PLEKHG7: variants seen among roughly 807,000 people sequenced by gnomAD.
PLEKHG7 encodes the protein pleckstrin homology and RhoGEF domain containing G7, also known as pleckstrin homology domain-containing family G member 7.
In PLEKHG7, 77 loss-of-function variants were observed where a neutral mutation model predicts 85.2. The observed-to-expected ratio is 0.90, with a 90% CI of 0.75 to 1.09. PLEKHG7 has a LOEUF of 1.09. PLEKHG7 is among the 50% of genes least tolerant of loss of function. The pLI is 0.00. For missense variants in PLEKHG7, 777 were observed against 804.3 expected, an observed-to-expected ratio of 0.97 and a Z score of 0.41; for synonymous variants, 301 against 302.4, an observed-to-expected ratio of 1.00 and a Z score of 0.05.
At position 92,770,252 on chromosome 12, in the gene PLEKHG7, A is replaced by G; in HGVS notation, c.*57A>G. 2.3e-6 allele frequency: 3 copies of G among 1,305,580 alleles called. No homozygotes were observed. Among genetic ancestry groups the G allele is most frequent in the Non-Finnish European group, 3.2e-6 (3 of 930,544 alleles). The allele number at this position is 1,305,580 out of a possible 1,614,324, so 80.9% of individuals were successfully genotyped here. A position where few individuals can be genotyped will look rare whatever the true frequency, so the allele number is the denominator to read the frequency against. The stretch of plus-strand genomic sequence containing the variant: ...AGATTATGGTTTAAGGTATAATTTC[A>G]TTCAAAGTTTTGTAACACTTAGCTA... On this transcript the variant is annotated 3_prime_UTR_variant, in exon 17 of 17. Coordinates refer to ENST00000344636, the MANE Select transcript of PLEKHG7 (RefSeq NM_001377329.1).
At chr12:92,732,917 A>G (rs1282371560) in intron 5 of PLEKHG7, among the ~76,000 whole-genome samples, 3 of 152,086 alleles carry the variant, frequency 2.0e-5, no homozygotes, top group Non-Finnish European at 4.4e-5. Flanking sequence ...GAGAAAAGGG[A>G]CTGATTTGTG....
At chr12:92,755,032 T>C (rs1463752828) in intron 11 of PLEKHG7, among the ~76,000 whole-genome samples, 2 of 152,198 alleles carry the variant, frequency 1.3e-5, no homozygotes, top group Non-Finnish European at 2.9e-5. Flanking sequence ...TCTGAAGAGC[T>C]GGAATTAAGT....
intron 13 of PLEKHG7, among the ~76,000 whole-genome samples, chr12:92,760,245 C>T (rs1592688194): frequency 6.6e-6 from 1 of 152,128 alleles, no homozygotes; most frequent in Non-Finnish European, 1.5e-5. Flanking sequence ...TCTACTGCTA[C>T]AAGAGAAGGG....
intron 10 of PLEKHG7, among the ~76,000 whole-genome samples, chr12:92,749,902 ATTTCATT>A (rs1306329547): frequency 8.3e-6 from 1 of 120,884 alleles, no homozygotes; most frequent in Non-Finnish European, 1.8e-5. Flanking sequence ...ATTTTATTTT[ATTTCATT>A]TATTTTATTT....
At chr12:92,716,784 C>G (rs1014846322) in intron 3 of PLEKHG7, among the ~76,000 whole-genome samples, 1 of 152,120 alleles carries the variant, frequency 6.6e-6, no homozygotes, top group African/African-American at 2.4e-5. Flanking sequence ...TTCATCTGCC[C>G]CCAAGAATCA....
intron 12 of PLEKHG7, 35 bp downstream of exon 12, chr12:92,755,975 T>C: frequency 7.0e-6 from 10 of 1,434,912 alleles, no homozygotes; most frequent in Non-Finnish European, 9.7e-6. Flanking sequence ...CTTATGTCCA[T>C]TTCTGGAATT....
At chr12:92,740,714 C>T in intron 7 of PLEKHG7, 139 bp from the exon 8 acceptor site, 1 of 616,238 alleles carries the variant, frequency 1.6e-6, no homozygotes, top group East Asian at 2.8e-5. Flanking sequence ...TTGAGTATAA[C>T]ATTTAAACCT....
chr12:92,768,069 G>A (rs140183221), intron 15 of PLEKHG7, among the ~76,000 whole-genome samples: 4,389 of 152,078 alleles, frequency 0.029, 205 homozygotes, highest in African/African-American at 0.1. Context: ...TTAGCCAGGC[G>A]TGGTGGCGGG....
chr12:92,732,526 T>C (rs1165731507), intron 5 of PLEKHG7, among the ~76,000 whole-genome samples: 1 of 152,176 alleles, frequency 6.6e-6, no homozygotes, highest in African/African-American at 2.4e-5. Context: ...AATCCTAATA[T>C]AGTGATGCTT....
intron 1 of PLEKHG7, among the ~76,000 whole-genome samples, chr12:92,705,878 A>G (rs1373803110): frequency 6.6e-6 from 1 of 152,110 alleles, no homozygotes; most frequent in Non-Finnish European, 1.5e-5. Context: ...AACACCTCCA[A>G]TCATGAACAG....
intron 3 of PLEKHG7, among the ~76,000 whole-genome samples, chr12:92,715,133 A>G (rs559321312): frequency 1.3e-5 from 2 of 152,336 alleles, no homozygotes; most frequent in Non-Finnish European, 2.9e-5. Flanking sequence ...CCAGCTGCGG[A>G]GCAAGGAGAG....
At chr12:92,721,438 T>C (rs1244546392) in intron 3 of PLEKHG7, 10 of 1,230,258 alleles carry the variant, frequency 8.1e-6, no homozygotes, top group Non-Finnish European at 1.0e-5. Context: ...GGAGACGTTC[T>C]GGTACCAGAA....
At chr12:92,766,062 AG>A (rs986105621) in intron 15 of PLEKHG7, among the ~76,000 whole-genome samples, 2 of 152,222 alleles carry the variant, frequency 1.3e-5, no homozygotes, top group African/African-American at 4.8e-5. Context: ...AGCCACAAAA[AG>A]GGTATGTCAA....
chr12:92,725,769 G>A (rs141727804), intron 3 of PLEKHG7, among the ~76,000 whole-genome samples: 3 of 151,934 alleles, frequency 2.0e-5, no homozygotes, highest in South Asian at 4.2e-4. Context: ...TAAGTAAAAC[G>A]ATTTGAAAAA....
At chr12:92,752,742 G>A (rs1872724649) in intron 10 of PLEKHG7, among the ~76,000 whole-genome samples, 1 of 152,210 alleles carries the variant, frequency 6.6e-6, no homozygotes, top group Non-Finnish European at 1.5e-5. Context: ...GATCCCTGTT[G>A]TAGTCAATTC....
intron 3 of PLEKHG7, among the ~76,000 whole-genome samples, chr12:92,724,834 C>A (rs1383458022): frequency 3.3e-5 from 5 of 152,126 alleles, no homozygotes; most frequent in African/African-American, 9.7e-5. Flanking sequence ...AGAGTCAGAG[C>A]AGGTCAGCCT....
chr12:92,731,056 T>C (rs1871979601), intron 4 of PLEKHG7, among the ~76,000 whole-genome samples: 1 of 152,198 alleles, frequency 6.6e-6, no homozygotes, highest in African/African-American at 2.4e-5. Flanking sequence ...AGGCAGATAA[T>C]GAAAGATTGT....
At chr12:92,709,767 G>A (rs572923152) in intron 3 of PLEKHG7, among the ~76,000 whole-genome samples, 1 of 152,364 alleles carries the variant, frequency 6.6e-6, no homozygotes, top group South Asian at 2.1e-4. Flanking sequence ...GTCAGGCTGG[G>A]CACAATGGCT....
chr12:92,708,746 C>T (rs1871310057), intron 3 of PLEKHG7, among the ~76,000 whole-genome samples: 1 of 152,180 alleles, frequency 6.6e-6, no homozygotes, highest in Non-Finnish European at 1.5e-5. Context: ...TAGAAACATG[C>T]AAGGCCTCTT....
Sources: allele counts gnomAD v4.1 joint callset (sites outside exome capture counted in the v4.1 genomes callset), GRCh38; gene constraint gnomAD v4.1.1; transcripts MANE v1.5; gene names NCBI Gene and HGNC (gene_info 2026-07-23, HGNC 2026-07-21).